MTUS2: variants seen among roughly 807,000 people sequenced by gnomAD.
The protein encoded by MTUS2 is microtubule associated scaffold protein 2.
Under a neutral mutation model 114.1 loss-of-function variants are expected in MTUS2, and 40 were observed. That is an observed-to-expected ratio of 0.35 (90% CI 0.27 to 0.46). MTUS2 has a LOEUF of 0.46. MTUS2 is among the 20% of genes least tolerant of loss of function. MTUS2 has a pLI of 1.00. For synonymous variants in MTUS2, 688 were observed against 672.0 expected (o/e 1.02, Z -0.37); for missense variants, 1,679 against 1,705.4 (o/e 0.98, Z 0.27).
At chr13:28,953,264 T>C (rs1179315370) in intron 2 of MTUS2, among the ~76,000 whole-genome samples, 2 of 151,998 alleles carry the variant, frequency 1.3e-5, no homozygotes, top group Non-Finnish European at 2.9e-5. Context: ...ATCCCTGCAC[T>C]TTGGGAGGCC....
chr13:29,505,205 T>C lies in MTUS2; in HGVS notation c.*1999T>C, dbSNP rs1222422698. On this transcript the variant is annotated 3_prime_UTR_variant, in exon 16 of 16. Coordinates refer to ENST00000612955, the MANE Select transcript of MTUS2 (RefSeq NM_001033602.4). ...AGCAGGCACAACCTGCAAACACAAA[T>C]TCAGTTACAGCTTAGCTGTCCGAAT... 4.3e-6 allele frequency: 1 copy of C among 231,796 alleles called. No individual in the cohort carries two copies. Among genetic ancestry groups the C allele is most frequent in the East Asian group, 6.1e-5 (1 of 16,318 alleles). The allele number at this position is 231,796 out of a possible 1,614,324, so 14.4% of individuals were successfully genotyped here.
chr13:28,897,600 CAT>C (rs1393095777), intron 2 of MTUS2, among the ~76,000 whole-genome samples: 3 of 151,570 alleles, frequency 2.0e-5, no homozygotes, highest in South Asian at 2.1e-4. Flanking sequence ...CACACACACA[CAT>C]GTATGTTTAC....
At chr13:29,245,025 A>G (rs118042515) in intron 5 of MTUS2, among the ~76,000 whole-genome samples, 428 of 150,028 alleles carry the variant, frequency 2.9e-3, no homozygotes, top group Non-Finnish European at 4.4e-3. Flanking sequence ...ATATTAGGCT[A>G]GGGTATTGGA....
At chr13:29,049,931 G>C (rs1005733745) in intron 4 of MTUS2, among the ~76,000 whole-genome samples, 1 of 152,124 alleles carries the variant, frequency 6.6e-6, no homozygotes, top group Non-Finnish European at 1.5e-5. Context: ...AAGAGCCTGC[G>C]CCCCTCACAC....
chr13:29,386,228 G>A (rs1232878347), intron 8 of MTUS2, among the ~76,000 whole-genome samples: 1 of 152,180 alleles, frequency 6.6e-6, no homozygotes, highest in Non-Finnish European at 1.5e-5. Context: ...CAGGACTATT[G>A]TGATCAACAT....
rs530000686 is a variant in MTUS2 at position 29,337,140 on chromosome 13, A to AG, written c.2905+12435dup. Among the ~76,000 whole-genome samples the AG allele has an allele frequency of 6.8e-3, 1,032 of 151,510 alleles. 9 individuals carry two copies. The highest frequency in any genetic ancestry group is 0.024 in the African/African-American group (984 of 41,266). ...GCTCCCTGGCTTCAGCCCCCTTTCCAGGGGGGTGAACAGTTCTCTCTCACT... is the reference window on the plus strand; with the variant it reads ...GCTCCCTGGCTTCAGCCCCCTTTCCAGGGGGGGTGAACAGTTCTCTCTCACT... On this transcript the variant is annotated intron_variant, in intron 7 of 15. Transcript: ENST00000612955.
intron 2 of MTUS2, among the ~76,000 whole-genome samples, chr13:28,865,539 A>G (rs958154405): frequency 6.6e-6 from 1 of 152,216 alleles, no homozygotes; most frequent in African/African-American, 2.4e-5. Flanking sequence ...TAAGTGCTTG[A>G]TAATGAGAGG....
chr13:28,822,546 C>T (rs1873975738), intron 1 of MTUS2, among the ~76,000 whole-genome samples: 1 of 152,174 alleles, frequency 6.6e-6, no homozygotes, highest in South Asian at 2.1e-4. Context: ...CTAGTCCTTT[C>T]TATCTCCAGC....
intron 2 of MTUS2, among the ~76,000 whole-genome samples, chr13:28,873,071 T>A (rs1489096556): frequency 6.6e-6 from 1 of 152,194 alleles, no homozygotes; most frequent in East Asian, 1.9e-4. Flanking sequence ...CAAACTAAAA[T>A]TCTATAGCCA....
At chr13:28,982,428 A>ATGC (rs1194248015) in intron 2 of MTUS2, among the ~76,000 whole-genome samples, 7 of 152,114 alleles carry the variant, frequency 4.6e-5, no homozygotes, top group Non-Finnish European at 7.4e-5. Context: ...GGAATGTAAA[A>ATGC]TGCTGCTGCT....
intron 5 of MTUS2, among the ~76,000 whole-genome samples, chr13:29,200,012 T>G (rs998134207): frequency 3.3e-5 from 5 of 152,182 alleles, no homozygotes; most frequent in Non-Finnish European, 5.9e-5. Context: ...GTAGTTTGTA[T>G]TTCTGTGGGA....
intron 2 of MTUS2, among the ~76,000 whole-genome samples, chr13:28,918,888 C>T (rs185158678): frequency 2.0e-5 from 3 of 152,008 alleles, no homozygotes; most frequent in Admixed American, 6.6e-5. Flanking sequence ...TATCTTATAG[C>T]CTATCATTTT....
chr13:29,428,839 C>A (rs372296441), intron 8 of MTUS2: 1 of 1,613,828 alleles, frequency 6.2e-7, no homozygotes, highest in South Asian at 1.1e-5. Context: ...GCCAGCCTGC[C>A]GGGATGGGCC....
chr13:29,106,399 C>T (rs1890669357), intron 5 of MTUS2, among the ~76,000 whole-genome samples: 1 of 152,174 alleles, frequency 6.6e-6, no homozygotes, highest in African/African-American at 2.4e-5. Context: ...GAGTCTTGCT[C>T]TGTTACCTGG....
chr13:29,382,954 C>G (rs1376729029), intron 8 of MTUS2, among the ~76,000 whole-genome samples: 1 of 152,056 alleles, frequency 6.6e-6, no homozygotes, highest in Non-Finnish European at 1.5e-5. Flanking sequence ...GGCAGTGATA[C>G]AGCAACACGA....
chr13:29,259,947 G>C (rs1897408480), intron 5 of MTUS2, among the ~76,000 whole-genome samples: 1 of 152,230 alleles, frequency 6.6e-6, no homozygotes, highest in Non-Finnish European at 1.5e-5. Context: ...CAGAGTTGCT[G>C]TGTACCCAGT....
chr13:29,140,624 C>A (rs1363254463), intron 5 of MTUS2, among the ~76,000 whole-genome samples: 1 of 152,132 alleles, frequency 6.6e-6, no homozygotes, highest in African/African-American at 2.4e-5. Flanking sequence ...AGATGATCAC[C>A]CAAAGGTATT....
chr13:28,903,007 G>T (rs1879739511), intron 2 of MTUS2, among the ~76,000 whole-genome samples: 2 of 151,992 alleles, frequency 1.3e-5, no homozygotes, highest in Non-Finnish European at 1.5e-5. Context: ...TAGTTTATAG[G>T]GCTGTTCAAA....
intron 8 of MTUS2, among the ~76,000 whole-genome samples, chr13:29,395,325 C>T (rs769361429): frequency 4.0e-4 from 61 of 152,262 alleles, no homozygotes; most frequent in South Asian, 8.3e-4. Context: ...CTGCTGCTTT[C>T]GACCAAGGTG....
Sources: gnomAD v4.1 joint callset for allele counts (sites outside exome capture counted in the v4.1 genomes callset) on GRCh38, gnomAD v4.1.1 for gene constraint, MANE v1.5 for transcripts, NCBI Gene and HGNC (gene_info 2026-07-23, HGNC 2026-07-21) for gene names.